Variants in PRSS8 observed in about 807,000 individuals in gnomAD.
The protein encoded by PRSS8 is serine protease 8.
A neutral mutation model predicts 26.7 loss-of-function variants in PRSS8; 11 were observed. The ratio of observed to expected loss-of-function variants is 0.41; its 90% CI spans 0.26 to 0.68. PRSS8 has a LOEUF of 0.68. Among genes scored for constraint, PRSS8 ranks in the 30% least tolerant of loss-of-function variants. The pLI, the probability that PRSS8 is intolerant of heterozygous loss-of-function variation, is 0.30. For missense variants in PRSS8, 362 were observed against 443.5 expected, an observed-to-expected ratio of 0.82 and a Z score of 1.65; for synonymous variants, 183 against 187.0, an observed-to-expected ratio of 0.98 and a Z score of 0.17.
chr16:31,133,164 T>A lies in PRSS8; in HGVS notation c.266+62A>T, dbSNP rs761691617. On this transcript the variant is annotated intron_variant, in intron 3 of 5. Transcript: ENST00000317508. This position sits in a 1 kb window ranked among gnomAD's most constrained non-coding sequence, Gnocchi z 4.7. ...GACCCAACCCAAGAACCCCAACCTCTGACCTGGATTGACCCATTAACTTTG... is the reference window on the plus strand; with the variant it reads ...GACCCAACCCAAGAACCCCAACCTCAGACCTGGATTGACCCATTAACTTTG... 1.2e-6 allele frequency: 2 copies of A among 1,610,100 alleles called. No homozygotes were observed. The highest frequency in any genetic ancestry group is 1.7e-6 in the Non-Finnish European group (2 of 1,178,886).
rs1277776785 is a variant in PRSS8, at chr16:31,131,950, G to C, written c.*59C>G. The C allele has an allele frequency of 6.8e-7, 1 of 1,461,674 alleles. No homozygotes were observed. Among genetic ancestry groups the C allele is most frequent in the Admixed American group, 2.4e-5 (1 of 42,022 alleles). 90.5% of individuals were successfully genotyped at this position (1,461,674 alleles called of 1,614,324 possible). The stretch of plus-strand genomic sequence containing the variant: ...CAGGCCCTGGGTCCAAAGGCCATCA[G>C]GGAAGGACCAGGCTCCTGTCCTTGA... On this transcript the variant is annotated 3_prime_UTR_variant, in exon 6 of 6. Coordinates refer to ENST00000317508, the MANE Select transcript of PRSS8 (RefSeq NM_002773.5).
rs1305481116 is a variant in PRSS8, at chr16:31,133,373, G to T, written c.119C>A (p.Ala40Asp). The change falls in exon 3 of 6, where the codon GCC (alanine) becomes GAC (aspartate). Residue 40 changes from alanine to aspartate, a missense_variant. By Grantham distance (126) the Ala-to-Asp change is moderately radical. Coordinates refer to ENST00000317508, the MANE Select transcript of PRSS8 (RefSeq NM_002773.5). The surrounding 1 kb of genome is among the most constrained non-coding windows in gnomAD (Gnocchi z 4.7). ...AEGAEAPCGV[A>D]PQARITGGSS... is the part of the protein sequence containing the mutation. The stretch of plus-strand genomic sequence containing the variant: ...GCCACCTGTGATGCGTGCTTGGGGG[G>T]CCACACCGCAGGGAGCTGCCCAGGG... 6.2e-7 allele frequency: 1 copy of T among 1,613,860 alleles called. No individual in the cohort carries two copies. The highest frequency in any genetic ancestry group is 1.7e-4 in the Middle Eastern group (1 of 6,060).
chr16:31,133,326 A>G lies in PRSS8; in HGVS notation c.166T>C (p.Trp56Arg), dbSNP rs1567439354. ...TGGSSAVAGQ[W>R]PWQVSITYEG... ...TAGGTGATGCTGACCTGCCAGGGCCACTGACCGGCGACTGCACTGCTGCCA... is the reference window on the plus strand; with the variant it reads ...TAGGTGATGCTGACCTGCCAGGGCCGCTGACCGGCGACTGCACTGCTGCCA... The change falls in exon 3 of 6, where the codon TGG (tryptophan) becomes CGG (arginine). Residue 56 changes from tryptophan to arginine, a missense_variant. Trp to Arg is a moderately radical substitution (Grantham distance 101). Transcript: ENST00000317508. The surrounding 1 kb of genome is among the most constrained non-coding windows in gnomAD (Gnocchi z 4.7). The G allele has an allele frequency of 6.2e-7, 1 of 1,613,984 alleles. No individual in the cohort carries two copies. Among genetic ancestry groups the G allele is most frequent in the Non-Finnish European group, 8.5e-7 (1 of 1,179,880 alleles).
Position 31,135,705 on chromosome 16 carries a change from T to C in PRSS8, c.-207A>G, listed in dbSNP as rs544757234. The C allele has an allele frequency of 3.5e-5, 19 of 545,674 alleles. No homozygotes were observed. Among genetic ancestry groups the C allele is most frequent in the Non-Finnish European group, 5.2e-5 (16 of 309,078 alleles). 33.8% of individuals were successfully genotyped at this position (545,674 alleles called of 1,614,324 possible). On this transcript the variant is annotated 5_prime_UTR_variant, in exon 1 of 6. Coordinates refer to ENST00000317508, the MANE Select transcript of PRSS8 (RefSeq NM_002773.5). ...CCTGGAGTATCCGAAGCGAGCAGTG[T>C]GGACGAGTCACCAGCACCGTCTGGC...
chr16:31,133,297 T>G lies in PRSS8; in HGVS notation c.195A>C (p.Glu65Asp), dbSNP rs1434354144. The stretch of plus-strand genomic sequence containing the variant: ...GAGAGCCACCACACACATGGACGCC[T>G]TCATAGGTGATGCTGACCTGCCAGG... ...QWPWQVSITY[E>D]GVHVCGGSLV... is the part of the protein sequence containing the mutation. Residue 65 changes from glutamate to aspartate, a missense_variant, in exon 3 of 6, where the codon GAA becomes GAC. Physicochemically the swap from Glu to Asp is conservative, Grantham distance 45. Transcript: ENST00000317508. The surrounding 1 kb of genome is among the most constrained non-coding windows in gnomAD (Gnocchi z 4.7). 1 of 1,613,976 alleles carries G rather than the reference T, an allele frequency of 6.2e-7. No individual in the cohort carries two copies. The highest frequency in any genetic ancestry group is 8.5e-7 in the Non-Finnish European group (1 of 1,179,884).
chr16:31,133,068 T>G lies in PRSS8; in HGVS notation c.267-115A>C. The G allele has an allele frequency of 6.3e-7, 1 of 1,579,168 alleles. No individual in the cohort carries two copies. Among genetic ancestry groups the G allele is most frequent in the Non-Finnish European group, 8.6e-7 (1 of 1,160,266 alleles). On this transcript the variant is annotated intron_variant, in intron 3 of 5. Coordinates refer to ENST00000317508, the MANE Select transcript of PRSS8 (RefSeq NM_002773.5). This position sits in a 1 kb window ranked among gnomAD's most constrained non-coding sequence, Gnocchi z 4.7. ...TTAGGTCTCAAATTGCACCTTAGTT[T>G]TATCATGTAACCTCTGACCCCTCAC...
At position 31,132,066 on chromosome 16, in the gene PRSS8, A is replaced by G. The variant is rs761825917; in HGVS notation, c.975T>C (p.Leu325=). ...CCAGAGCCAGGCCCAGAGGCAGGAAAAGGATGGGCCTCAGCAAGCCCTGGG... is the reference window on the plus strand; with the variant it reads ...CCAGAGCCAGGCCCAGAGGCAGGAAGAGGATGGGCCTCAGCAAGCCCTGGG... The part of the protein sequence containing the change: ...APAQGLLRPI[L]FLPLGLALGL... Residue 325 remains leucine (L), a synonymous_variant, in exon 6 of 6, where the codon CTT becomes CTC. Coordinates refer to ENST00000317508, the MANE Select transcript of PRSS8 (RefSeq NM_002773.5). This position sits in a 1 kb window ranked among gnomAD's most constrained non-coding sequence, Gnocchi z 5.2. 4 of 1,603,024 alleles carry G rather than the reference A, an allele frequency of 2.5e-6. No individual in the cohort carries two copies. The highest frequency in any genetic ancestry group is 1.1e-5 in the South Asian group (1 of 89,332).
chr16:31,135,410 T>C lies in PRSS8; in HGVS notation c.85+4A>G, dbSNP rs1474860415. 6.3e-7 allele frequency: 1 copy of C among 1,592,060 alleles called. No individual in the cohort carries two copies. Among genetic ancestry groups the C allele is most frequent in the African/African-American group, 1.3e-5 (1 of 74,332 alleles). ...CCCCACCCTGCCCCCACGTCCTCAC[T>C]TACCTGTCCCCGACCGGAGTAATCC... is the stretch of plus-strand genomic sequence containing the variant. On this transcript the variant is annotated splice_donor_region_variant and intron_variant, in intron 1 of 5. Coordinates refer to ENST00000317508, the MANE Select transcript of PRSS8 (RefSeq NM_002773.5).
At position 31,132,226 on chromosome 16, in the gene PRSS8, G is replaced by A. The variant is rs371540130; in HGVS notation, c.815C>T (p.Thr272Ile). 3 of 1,613,714 alleles carry A rather than the reference G, an allele frequency of 1.9e-6. No individual in the cohort carries two copies. In the African/African-American group the frequency reaches 4.0e-5, roughly 22 times the overall value. The change falls in exon 6 of 6, where the codon ACT becomes ATT. Residue 272 changes from threonine (T) to isoleucine (I), a missense_variant. Transcript: ENST00000317508. This position sits in a 1 kb window ranked among gnomAD's most constrained non-coding sequence, Gnocchi z 5.2. ...CCAGGAGGCATAGCTGGAGGCCAGA[G>A]TGTACACACCAGGCCTGTTGCGGGC... The part of the protein sequence containing the change: ...CGARNRPGVY[T>I]LASSYASWIQ...
At position 31,131,454 on chromosome 16, in the gene PRSS8, A is replaced by G; in HGVS notation, c.*555T>C. The G allele has an allele frequency of 3.0e-6, 2 of 658,150 alleles. No individual in the cohort carries two copies. Among genetic ancestry groups the G allele is most frequent in the South Asian group, 3.9e-5 (2 of 51,166 alleles). The allele number at this position is 658,150 out of a possible 1,614,324, so 40.8% of individuals were successfully genotyped here. On this transcript the variant is annotated 3_prime_UTR_variant, in exon 6 of 6. Transcript: ENST00000317508. ...CAAGTTGTGCTCAAACATTTTAATC[A>G]TTTCTGCCCTGTTACTCCCACCCCA... is the stretch of plus-strand genomic sequence containing the variant.
In PRSS8 at chr16:31,132,184, G is replaced by A. The variant is rs1258457215; in HGVS notation, c.857C>T (p.Thr286Ile). ...SYASWIQSKV[T>I]ELQPRVVPQT... is the part of the protein sequence containing the mutation. ...GGGCACCACACGAGGCTGGAGTTCTGTCACCTTGCTTTGGATCCAGGAGGC... is the reference window on the plus strand; with the variant it reads ...GGGCACCACACGAGGCTGGAGTTCTATCACCTTGCTTTGGATCCAGGAGGC... Residue 286 changes from threonine to isoleucine, a missense_variant, in exon 6 of 6, where the codon ACA becomes ATA. Physicochemically the swap from Thr to Ile is moderately conservative, Grantham distance 89. Transcript: ENST00000317508. The surrounding 1 kb of genome is among the most constrained non-coding windows in gnomAD (Gnocchi z 5.2). The A allele has an allele frequency of 1.9e-6, 3 of 1,613,826 alleles. No homozygotes were observed. The highest frequency in any genetic ancestry group is 2.5e-6 in the Non-Finnish European group (3 of 1,179,874).
In PRSS8 at chr16:31,132,893, G is replaced by A. The variant is rs766540091; in HGVS notation, c.327C>T (p.Ser109=). The part of the protein sequence containing the change: ...KLGAHQLDSY[S]EDAKVSTLKD... ...TCAGGGTGCTGACCTTGGCGTCCTCGGAGTAGGAGTCTAGCTGGTGGGCCC... is the reference window on the plus strand; with the variant it reads ...TCAGGGTGCTGACCTTGGCGTCCTCAGAGTAGGAGTCTAGCTGGTGGGCCC... The change falls in exon 4 of 6, where the codon TCC becomes TCT. Residue 109 remains serine, a synonymous_variant. Transcript: ENST00000317508. This position sits in a 1 kb window ranked among gnomAD's most constrained non-coding sequence, Gnocchi z 5.2. 1.6e-5 allele frequency: 26 copies of A among 1,613,512 alleles called. No homozygotes were observed. Among genetic ancestry groups the A allele is most frequent in the East Asian group, 1.1e-4 (5 of 44,882 alleles).
rs761667021 is a variant in PRSS8 at position 31,133,006 on chromosome 16, A to G, written c.267-53T>C. The G allele has an allele frequency of 4.4e-6, 7 of 1,582,486 alleles. No individual in the cohort carries two copies. Among genetic ancestry groups the G allele is most frequent in the African/African-American group, 1.3e-5 (1 of 74,154 alleles). ...CCAGGAGACCTCTCCTTGTTCCCCA[A>G]CCCCCACTGCCAACCCCTGATTCCG... is the stretch of plus-strand genomic sequence containing the variant. On this transcript the variant is annotated intron_variant, in intron 3 of 5. Coordinates refer to ENST00000317508, the MANE Select transcript of PRSS8 (RefSeq NM_002773.5). This position sits in a 1 kb window ranked among gnomAD's most constrained non-coding sequence, Gnocchi z 4.7.
intron 1 of PRSS8, 44 bp from the exon 2 acceptor site, chr16:31,135,215 G>C (rs2057599372): frequency 6.2e-7 from 1 of 1,612,054 alleles, no homozygotes; most frequent in Non-Finnish European, 8.5e-7. Flanking sequence ...GGAAGACTCG[G>C]GTTCCCTGAC....
Position 31,135,603 on chromosome 16 carries a change from C to G in PRSS8, c.-105G>C, listed in dbSNP as rs747886484. 38 of 1,021,886 alleles carry G rather than the reference C, an allele frequency of 3.7e-5. No homozygotes were observed. Among genetic ancestry groups the G allele is most frequent in the South Asian group, 1.4e-4 (8 of 58,872 alleles). 63.3% of individuals were successfully genotyped at this position (1,021,886 alleles called of 1,614,324 possible). Reference sequence around the variant, plus strand: ...AGATGTTGGCTCAGAGGGAAGGATCCCAGAATCCGGGCTGGAAAGGGGCAG... The same window carrying G: ...AGATGTTGGCTCAGAGGGAAGGATCGCAGAATCCGGGCTGGAAAGGGGCAG... On this transcript the variant is annotated 5_prime_UTR_variant, in exon 1 of 6. Transcript: ENST00000317508.
chr16:31,133,086 C>T lies in PRSS8; in HGVS notation c.267-133G>A. 6.4e-6 allele frequency: 10 copies of T among 1,573,212 alleles called. No homozygotes were observed. The highest frequency in any genetic ancestry group is 7.8e-6 in the Non-Finnish European group (9 of 1,154,584). ...CTTAGTTTTATCATGTAACCTCTGACCCCTCACCTTCACTCCTAACTGGTC... is the reference window on the plus strand; with the variant it reads ...CTTAGTTTTATCATGTAACCTCTGATCCCTCACCTTCACTCCTAACTGGTC... On this transcript the variant is annotated intron_variant, in intron 3 of 5. Coordinates refer to ENST00000317508, the MANE Select transcript of PRSS8 (RefSeq NM_002773.5). This position sits in a 1 kb window ranked among gnomAD's most constrained non-coding sequence, Gnocchi z 4.7.
chr16:31,132,752 A>T lies in PRSS8; in HGVS notation c.468T>A (p.Pro156=). 1 of 1,614,012 alleles carries T rather than the reference A, an allele frequency of 6.2e-7. No individual in the cohort carries two copies. The highest frequency in any genetic ancestry group is 8.5e-7 in the Non-Finnish European group (1 of 1,179,882). The change falls in exon 4 of 6, where the codon CCT becomes CCA. Residue 156 remains proline (P), a synonymous_variant. Coordinates refer to ENST00000317508, the MANE Select transcript of PRSS8 (RefSeq NM_002773.5). The surrounding 1 kb of genome is among the most constrained non-coding windows in gnomAD (Gnocchi z 5.2). The part of the protein sequence containing the change: ...FSRYIRPICL[P]AANASFPNGL... ...CGTTGGGGAAGGAGGCGTTGGCTGC[A>T]GGGAGGCAGATGGGCCGGATGTAGC...
chr16:31,135,025 A>C (rs1343821568), intron 2 of PRSS8, 129 bp downstream of exon 2: 2 of 1,197,286 alleles, frequency 1.7e-6, no homozygotes, highest in Non-Finnish European at 2.3e-6. Context: ...AAAACCCCCC[A>C]CTCTGGGAGC....
At position 31,131,754 on chromosome 16, in the gene PRSS8, A is replaced by G. The variant is rs1044343168; in HGVS notation, c.*255T>C. On this transcript the variant is annotated 3_prime_UTR_variant, in exon 6 of 6. Transcript: ENST00000317508. ...CAGGAGCTCCCCAGGAGCTCGGCCA[A>G]TGGGCTGGTCCATGGTGGGTGAGGG... 1.4e-5 allele frequency: 7 copies of G among 491,232 alleles called. No individual in the cohort carries two copies. Among genetic ancestry groups the G allele is most frequent in the Non-Finnish European group, 2.2e-5 (6 of 277,768 alleles). The allele number at this position is 491,232 out of a possible 1,614,324, so 30.4% of individuals were successfully genotyped here. A position where few individuals can be genotyped will look rare whatever the true frequency, so the allele number is the denominator to read the frequency against.
Sources: allele counts gnomAD v4.1 joint callset, GRCh38; gene constraint gnomAD v4.1.1; non-coding constraint Gnocchi (gnomAD v3.1); transcripts MANE v1.5; gene names NCBI Gene and HGNC (gene_info 2026-07-23, HGNC 2026-07-21).